CDH13: variants seen among roughly 807,000 people sequenced by gnomAD.
CDH13 encodes the protein cadherin 13, also known as cadherin-13.
In CDH13, 24 loss-of-function variants were observed where a neutral mutation model predicts 63.8. The observed-to-expected ratio is 0.38, with a 90% CI of 0.27 to 0.53. The LOEUF is 0.53. Among genes scored for constraint, CDH13 ranks in the 20% least tolerant of loss-of-function variants. The pLI is 0.85. For missense variants in CDH13, 1,049 were observed against 903.1 expected (o/e 1.16, Z -2.07); for synonymous variants, 503 against 355.3 (o/e 1.42, Z -4.67).
In CDH13 at chr16:83,102,687, C is replaced by G. The variant is rs74033150; in HGVS notation, c.367-22698C>G. On this transcript the variant is annotated intron_variant, in intron 3 of 13. Transcript: ENST00000567109. ...GAGGAAGAGGATGTAGAGGTATAGT[C>G]AGGAGATGTGGAGCAGTTAGGAGGA... Among the ~76,000 whole-genome samples, 1,482 of 152,094 alleles carry G rather than the reference C, an allele frequency of 9.7e-3. 38 individuals are homozygous for G. The highest frequency in any genetic ancestry group is 0.034 in the African/African-American group (1,413 of 41,460).
intron 5 of CDH13, among the ~76,000 whole-genome samples, chr16:83,310,320 T>A (rs2089971896): frequency 6.6e-6 from 1 of 152,146 alleles, no homozygotes; most frequent in Non-Finnish European, 1.5e-5. Flanking sequence ...TTTGATAAGG[T>A]AAATTAGTTT....
chr16:82,910,544 C>G (rs1004416542), intron 2 of CDH13, among the ~76,000 whole-genome samples: 1 of 152,112 alleles, frequency 6.6e-6, no homozygotes, highest in Admixed American at 6.5e-5. Context: ...GATTCCCTTG[C>G]CCAAGCCTCT....
At chr16:83,287,290 C>G (rs2089342300) in intron 5 of CDH13, among the ~76,000 whole-genome samples, 1 of 152,198 alleles carries the variant, frequency 6.6e-6, no homozygotes, top group African/African-American at 2.4e-5. Flanking sequence ...CCAAAACTTT[C>G]ATTCAGTAAG....
intron 1 of CDH13, among the ~76,000 whole-genome samples, chr16:82,767,045 G>C (rs1270409288): frequency 6.6e-6 from 1 of 151,980 alleles, no homozygotes; most frequent in African/African-American, 2.4e-5. Flanking sequence ...TCATGTTTTC[G>C]ATTGGACACA....
chr16:82,662,780 T>A (rs191770960), intron 1 of CDH13, among the ~76,000 whole-genome samples: 5 of 152,332 alleles, frequency 3.3e-5, no homozygotes, highest in Admixed American at 6.5e-5. Context: ...ACCACCAGTA[T>A]GTGTCCCTCT....
At chr16:82,960,259 A>G (rs1567696332) in intron 2 of CDH13, among the ~76,000 whole-genome samples, 1 of 152,196 alleles carries the variant, frequency 6.6e-6, no homozygotes, top group South Asian at 2.1e-4. Flanking sequence ...GATATAATTG[A>G]CAGTTGCTGC....
intron 1 of CDH13, among the ~76,000 whole-genome samples, chr16:82,710,766 T>C (rs1336504785): frequency 1.4e-5 from 2 of 147,206 alleles, no homozygotes; most frequent in Non-Finnish European, 3.0e-5. Context: ...TTATAAAATA[T>C]ATAAAAGTAT....
chr16:83,653,801 G>T, intron 8 of CDH13, among the ~76,000 whole-genome samples: 1 of 152,082 alleles, frequency 6.6e-6, no homozygotes, highest in East Asian at 1.9e-4. Context: ...CCCACATAGG[G>T]ACAACACTCA....
intron 7 of CDH13, among the ~76,000 whole-genome samples, chr16:83,494,522 G>T (rs371046988): frequency 1.3e-5 from 2 of 152,148 alleles, no homozygotes; most frequent in African/African-American, 4.8e-5. Context: ...GAAAAATGTT[G>T]CTCCTGCCAT....
At chr16:83,750,150 G>A (rs754697294) in intron 11 of CDH13, among the ~76,000 whole-genome samples, 11 of 152,078 alleles carry the variant, frequency 7.2e-5, no homozygotes, top group Non-Finnish European at 1.5e-4. Flanking sequence ...ACAAAAATGA[G>A]CTGGGCATGG....
chr16:83,028,074 A>G (rs551901060), intron 2 of CDH13, among the ~76,000 whole-genome samples: 3 of 152,156 alleles, frequency 2.0e-5, no homozygotes, highest in Non-Finnish European at 4.4e-5. Flanking sequence ...CTTTTCCTCT[A>G]CCCCATTCAC....
At chr16:82,706,595 G>T (rs1202799488) in intron 1 of CDH13, among the ~76,000 whole-genome samples, 1 of 151,376 alleles carries the variant, frequency 6.6e-6, no homozygotes, top group Non-Finnish European at 1.5e-5. Flanking sequence ...AGGAGTTGGA[G>T]ACCAGCCTGG....
chr16:82,809,916 G>A (rs757269165), intron 1 of CDH13, among the ~76,000 whole-genome samples: 5 of 151,896 alleles, frequency 3.3e-5, no homozygotes, highest in Non-Finnish European at 4.4e-5. Context: ...AAAAAAAAAG[G>A]GACAGATTTT....
rs768600686 is a variant in CDH13 at position 83,217,452 on chromosome 16, C to G, written c.591C>G (p.Val197=). 6.8e-6 allele frequency: 11 copies of G among 1,613,792 alleles called. No individual in the cohort carries two copies. Among genetic ancestry groups the G allele is most frequent in the Non-Finnish European group, 8.5e-6 (10 of 1,179,826 alleles). The part of the protein sequence containing the change: ...IFRINENTGS[V]SVTRTLDREV... ...GAATCAATGAGAACACAGGGAGCGT[C>G]TCCGTGACACGGACCTTGGACAGAG... Residue 197 remains valine (V), a synonymous_variant, in exon 5 of 14, where the codon GTC becomes GTG. Transcript: ENST00000567109.
chr16:83,038,969 C>T (rs532074355), intron 3 of CDH13, among the ~76,000 whole-genome samples: 2 of 152,298 alleles, frequency 1.3e-5, no homozygotes, highest in African/African-American at 4.8e-5. Context: ...TTTATTCTGA[C>T]ATTGGGTTTG....
chr16:83,781,374 C>T (rs1466081579), intron 12 of CDH13, among the ~76,000 whole-genome samples: 2 of 152,186 alleles, frequency 1.3e-5, no homozygotes, highest in Non-Finnish European at 2.9e-5. Context: ...ATATACTTAT[C>T]CTGCTGTTGA....
At chr16:82,795,043 C>T (rs1386070297) in intron 1 of CDH13, among the ~76,000 whole-genome samples, 2 of 152,150 alleles carry the variant, frequency 1.3e-5, no homozygotes, top group East Asian at 3.9e-4. Context: ...CCCTCCTTTG[C>T]CTCATAGTCT....
intron 6 of CDH13, among the ~76,000 whole-genome samples, chr16:83,405,508 C>G (rs1445356958): frequency 1.3e-5 from 2 of 152,104 alleles, no homozygotes; most frequent in African/African-American, 4.8e-5. Flanking sequence ...GCCAGCAGCA[C>G]CTAGAAGCAG....
At chr16:82,871,545 C>A (rs534249143) in intron 2 of CDH13, among the ~76,000 whole-genome samples, 1 of 152,142 alleles carries the variant, frequency 6.6e-6, no homozygotes, top group Non-Finnish European at 1.5e-5. Context: ...GAGTCTAATC[C>A]CAGCTCTAAC....
Sources: allele counts gnomAD v4.1 joint callset (sites outside exome capture counted in the v4.1 genomes callset), GRCh38; gene constraint gnomAD v4.1.1; transcripts MANE v1.5; gene names NCBI Gene and HGNC (gene_info 2026-07-23, HGNC 2026-07-21).